The following PRKAA1 variants were observed in gnomAD, a reference collection of about 807,000 sequenced individuals.
PRKAA1 encodes 5'-AMP-activated protein kinase catalytic subunit alpha-1.
Under a neutral mutation model 56.9 loss-of-function variants are expected in PRKAA1, and 23 were observed. That is an observed-to-expected ratio of 0.40 (90% CI 0.29 to 0.57). The LOEUF (loss-of-function observed/expected upper bound fraction) is 0.57, where lower values mean the gene tolerates loss of function less well. Among genes scored for constraint, PRKAA1 ranks in the 20% least tolerant of loss-of-function variants. The pLI, the probability that PRKAA1 is intolerant of heterozygous loss-of-function variation, is 0.39. For missense variants in PRKAA1, 413 were observed against 679.7 expected (o/e 0.61, Z 4.36); for synonymous variants, 226 against 227.0 (o/e 1.00, Z 0.04).
chr5:40,789,634 T>G (rs936341435), intron 1 of PRKAA1, among the ~76,000 whole-genome samples: 2 of 152,104 alleles, frequency 1.3e-5, no homozygotes, highest in Admixed American at 1.3e-4. Flanking sequence ...CTGGGGTAAG[T>G]GGGGCTGGAG....
chr5:40,792,548 T>C (rs1444212641), intron 1 of PRKAA1, among the ~76,000 whole-genome samples: 1 of 152,226 alleles, frequency 6.6e-6, no homozygotes, highest in Non-Finnish European at 1.5e-5. Context: ...TGAGTGGTTC[T>C]GTAGGTTTCT....
At chr5:40,770,237 C>G (rs1349767401) in intron 4 of PRKAA1, among the ~76,000 whole-genome samples, 1 of 152,082 alleles carries the variant, frequency 6.6e-6, no homozygotes, top group African/African-American at 2.4e-5. Context: ...CCAAGACAGG[C>G]GGATCACTTC....
At chr5:40,786,186 C>T (rs996688967) in intron 1 of PRKAA1, among the ~76,000 whole-genome samples, 2 of 148,692 alleles carry the variant, frequency 1.3e-5, no homozygotes, top group Non-Finnish European at 3.0e-5. Flanking sequence ...ACCCAGGAGG[C>T]GGAGGTTGCA....
intron 3 of PRKAA1, chr5:40,775,025 G>T: frequency 8.0e-7 from 1 of 1,254,850 alleles, no homozygotes; most frequent in Non-Finnish European, 1.1e-6. Context: ...GACTAGCAAG[G>T]CCTAGATCTT....
intron 6 of PRKAA1, among the ~76,000 whole-genome samples, chr5:40,766,302 A>G (rs1743431496): frequency 6.6e-6 from 1 of 152,182 alleles, no homozygotes; most frequent in Non-Finnish European, 1.5e-5. Context: ...TTTCATATTT[A>G]CTATTCCTAG....
intron 8 of PRKAA1, among the ~76,000 whole-genome samples, chr5:40,763,498 C>A (rs1465283498): frequency 1.3e-5 from 2 of 152,202 alleles, no homozygotes; most frequent in African/African-American, 4.8e-5. Context: ...GAACCCAACT[C>A]TCCTAAGTCT....
In PRKAA1 at chr5:40,798,311, C is replaced by T. The variant is rs1745044010; in HGVS notation, c.-122G>A. On this transcript the variant is annotated 5_prime_UTR_variant, in exon 1 of 9. Coordinates refer to ENST00000397128, the MANE Select transcript of PRKAA1 (RefSeq NM_006251.6). The stretch of plus-strand genomic sequence containing the variant: ...ACCGCCCTGCGCCGCCAGCCCAGGC[C>T]CCGCAGCCTACGTCGGGCGCAGACG... 3.7e-6 allele frequency: 2 copies of T among 537,444 alleles called. No homozygotes were observed. Among genetic ancestry groups the T allele is most frequent in the Non-Finnish European group, 5.5e-6 (2 of 360,778 alleles). The allele number at this position is 537,444 out of a possible 1,614,324, so 33.3% of individuals were successfully genotyped here.
intron 2 of PRKAA1, chr5:40,776,921 G>A (rs1744030925): frequency 6.6e-6 from 1 of 152,366 alleles, no homozygotes; most frequent in African/African-American, 2.4e-5. Context: ...AGGAAAGAAT[G>A]AGAAGATAAC....
intron 1 of PRKAA1, among the ~76,000 whole-genome samples, chr5:40,785,741 T>C (rs1472599532): frequency 6.6e-6 from 1 of 151,836 alleles, no homozygotes; most frequent in African/African-American, 2.4e-5. Context: ...ACGTGACTAG[T>C]GAAGGATTTG....
intron 3 of PRKAA1, 54 bp downstream of exon 3, chr5:40,775,356 A>G (rs1209478843): frequency 7.3e-7 from 1 of 1,378,902 alleles, no homozygotes; most frequent in Non-Finnish European, 1.0e-6. Flanking sequence ...TGATGCTAGT[A>G]AAGGATAAAG....
At chr5:40,776,024 T>C (rs1188856457) in intron 2 of PRKAA1, among the ~76,000 whole-genome samples, 1 of 152,170 alleles carries the variant, frequency 6.6e-6, no homozygotes, top group Non-Finnish European at 1.5e-5. Context: ...CCAAGGAAGA[T>C]GAAAAGCTAT....
At chr5:40,796,970 T>A (rs1744952795) in intron 1 of PRKAA1, among the ~76,000 whole-genome samples, 1 of 150,622 alleles carries the variant, frequency 6.6e-6, no homozygotes, top group Non-Finnish European at 1.5e-5. Flanking sequence ...CAAAGTCAAA[T>A]ATGTTAAAGA....
intron 1 of PRKAA1, among the ~76,000 whole-genome samples, chr5:40,783,058 C>G (rs916222707): frequency 2.0e-5 from 3 of 152,050 alleles, no homozygotes; most frequent in African/African-American, 7.2e-5. Context: ...AGAGGCAGTG[C>G]CCTGACAGCC....
At position 40,765,192 on chromosome 5, in the gene PRKAA1, C is replaced by G. The variant is rs1354003048; in HGVS notation, c.868G>C (p.Glu290Gln). Residue 290 changes from glutamate to glutamine, a missense_variant, in exon 7 of 9, where the codon GAG becomes CAG. Around this residue, in one of 9 missense-constraint regions of PRKAA1, gnomAD observed 113 missense variants for 198.6 expected, o/e 0.57. Coordinates refer to ENST00000397128, the MANE Select transcript of PRKAA1 (RefSeq NM_006251.6). The stretch of plus-strand genomic sequence containing the variant: ...ATGGTTGAACTATATGATGGATCCT[C>G]AGGAAAGAGATATTTTGGAAGGTCC... ...KQDLPKYLFP[E>Q]DPSYSSTMID... is the part of the protein sequence containing the mutation. 3 of 1,613,812 alleles carry G rather than the reference C, an allele frequency of 1.9e-6. No individual in the cohort carries two copies. The highest frequency in any genetic ancestry group is 1.3e-5 in the African/African-American group (1 of 75,010).
At chr5:40,796,990 T>A (rs1160772647) in intron 1 of PRKAA1, among the ~76,000 whole-genome samples, 1 of 152,030 alleles carries the variant, frequency 6.6e-6, no homozygotes, top group African/African-American at 2.4e-5. Context: ...AAAAAAAAAA[T>A]CATGCCTTAC....
intron 1 of PRKAA1, among the ~76,000 whole-genome samples, chr5:40,795,529 AGC>A (rs1744890246): frequency 6.6e-6 from 1 of 152,214 alleles, no homozygotes; most frequent in Non-Finnish European, 1.5e-5. Flanking sequence ...TAGGAATACA[AGC>A]ATAAGCCAAC....
chr5:40,764,842 T>C lies in PRKAA1; in HGVS notation c.1218A>G (p.Lys406=), dbSNP rs566642180. The change falls in exon 7 of 9, where the codon AAA becomes AAG. Residue 406 remains lysine, a synonymous_variant. Coordinates refer to ENST00000397128, the MANE Select transcript of PRKAA1 (RefSeq NM_006251.6). Reference sequence around the variant, plus strand: ...TTTGACTTCTAATTCCTAAATGCCATTTTGCTTTCCTTACACCTTGGTGTT... The same window carrying C: ...TTTGACTTCTAATTCCTAAATGCCACTTTGCTTTCCTTACACCTTGGTGTT... ...KSKHQGVRKA[K]WHLGIRSQSR... 3 of 1,614,148 alleles carry C rather than the reference T, an allele frequency of 1.9e-6. No homozygotes were observed. The South Asian group carries it at 3.3e-5, about 18-fold the overall frequency.
In PRKAA1 at chr5:40,761,734, G is replaced by C. The variant is rs916133992; in HGVS notation, c.*1044C>G. The stretch of plus-strand genomic sequence containing the variant: ...GCATATACTCAATAATGACTGACAT[G>C]ATGGGCCAGAGGAATTTGTGAAATT... On this transcript the variant is annotated 3_prime_UTR_variant, in exon 9 of 9. Transcript: ENST00000397128. 2 of 152,282 alleles carry C rather than the reference G, an allele frequency of 1.3e-5. No individual in the cohort carries two copies. Among genetic ancestry groups the C allele is most frequent in the African/African-American group, 2.4e-5 (1 of 41,438 alleles). 9.4% of individuals were successfully genotyped at this position (152,282 alleles called of 1,614,324 possible).
intron 8 of PRKAA1, 110 bp from the exon 9 acceptor site, chr5:40,763,132 G>A: frequency 9.5e-7 from 1 of 1,049,426 alleles, no homozygotes; most frequent in East Asian, 2.4e-5. Flanking sequence ...GCTATCAAGA[G>A]CACGCTTATT....
Sources: allele counts gnomAD v4.1 joint callset (sites outside exome capture counted in the v4.1 genomes callset), GRCh38; gene constraint gnomAD v4.1.1; regional missense constraint gnomAD v4.1.1; transcripts MANE v1.5; gene names NCBI Gene and HGNC (gene_info 2026-07-23, HGNC 2026-07-21).